The following MEF2D variants were observed in gnomAD, a reference collection of about 807,000 sequenced individuals.
MEF2D encodes the protein myocyte-specific enhancer factor 2D.
In MEF2D, 10 loss-of-function variants were observed where a neutral mutation model predicts 59.3. The observed-to-expected ratio is 0.17, with a 90% CI of 0.10 to 0.29. The LOEUF is 0.29. MEF2D is among the 10% of genes least tolerant of loss of function. The pLI, the probability that MEF2D is intolerant of heterozygous loss-of-function variation, is 1.00. For missense variants in MEF2D, 508 were observed against 699.4 expected (o/e 0.73, Z 3.09); for synonymous variants, 305 against 295.0 (o/e 1.03, Z -0.35).
intron 1 of MEF2D, among the ~76,000 whole-genome samples, chr1:156,493,656 C>T (rs370017344): frequency 6.6e-6 from 1 of 152,208 alleles, no homozygotes; most frequent in Non-Finnish European, 1.5e-5. Flanking sequence ...CCTGGCTTCT[C>T]ACCCTTTCAT....
intron 6 of MEF2D, 85 bp downstream of exon 6, chr1:156,479,205 T>C: frequency 8.7e-7 from 1 of 1,143,810 alleles, no homozygotes; most frequent in Non-Finnish European, 1.2e-6. Flanking sequence ...TCCTCTCATC[T>C]AGGTCGTTCC....
In MEF2D at chr1:156,468,158, G is replaced by A. The variant is rs1417926293; in HGVS notation, c.1389C>T (p.Arg463=). 1 of 1,613,808 alleles carries A rather than the reference G, an allele frequency of 6.2e-7. No individual in the cohort carries two copies. The highest frequency in any genetic ancestry group is 8.5e-7 in the Non-Finnish European group (1 of 1,179,860). The part of the protein sequence containing the change: ...PPPPAVFPAA[R]PEPGDGLSSP... ...TGCTGAGACCATCGCCAGGCTCAGGGCGGGCAGCTGGGAACACAGCTGGAG... is the reference window on the plus strand; with the variant it reads ...TGCTGAGACCATCGCCAGGCTCAGGACGGGCAGCTGGGAACACAGCTGGAG... The change falls in exon 11 of 12, where the codon CGC becomes CGT. Residue 463 remains arginine (R), a synonymous_variant. Transcript: ENST00000348159. The surrounding 1 kb of genome is among the most constrained non-coding windows in gnomAD (Gnocchi z 4.3).
In MEF2D at chr1:156,475,216, C is replaced by T; in HGVS notation, c.898G>A (p.Val300Ile). ...GTGAGCGAATGAGTAGACTGGGAGA[C>T]CCCAAGGCGCTGGGCATTGTTCTGT... is the stretch of plus-strand genomic sequence containing the variant. Reference protein sequence around the residue: ...LDLNNAQRLGVSQSTHSLTTP... With the variant: ...LDLNNAQRLGISQSTHSLTTP... The change falls in exon 9 of 12, where the codon GTC (valine) becomes ATC (isoleucine). Residue 300 changes from valine to isoleucine, a missense_variant. Transcript: ENST00000348159. 6.2e-7 allele frequency: 1 copy of T among 1,612,682 alleles called. No homozygotes were observed. Among genetic ancestry groups the T allele is most frequent in the Non-Finnish European group, 8.5e-7 (1 of 1,179,288 alleles).
At chr1:156,500,281 G>C (rs1384673826) in intron 1 of MEF2D, among the ~76,000 whole-genome samples, 1 of 152,110 alleles carries the variant, frequency 6.6e-6, no homozygotes. Context: ...CCCCACGACA[G>C]ACTCCCTGAC....
At chr1:156,499,908 A>C (rs1673380158) in intron 1 of MEF2D, among the ~76,000 whole-genome samples, 1 of 150,032 alleles carries the variant, frequency 6.7e-6, no homozygotes, top group Non-Finnish European at 1.5e-5. Context: ...ACACTCACAC[A>C]CCCCAACCCA....
chr1:156,488,008 C>T (rs1386428049), intron 1 of MEF2D, among the ~76,000 whole-genome samples: 1 of 152,240 alleles, frequency 6.6e-6, no homozygotes, highest in Non-Finnish European at 1.5e-5. Context: ...GGCCCCAGGG[C>T]CTGCCCAATC....
In MEF2D at chr1:156,480,956, C is replaced by G; in HGVS notation, c.274G>C (p.Gly92Arg). 1 of 1,611,968 alleles carries G rather than the reference C, an allele frequency of 6.2e-7. No individual in the cohort carries two copies. Among genetic ancestry groups the G allele is most frequent in the East Asian group, 2.2e-5 (1 of 44,824 alleles). Residue 92 changes from glycine (G) to arginine (R), a missense_variant, in exon 4 of 12, where the codon GGC (glycine) becomes CGC (arginine). Transcript: ENST00000348159. The part of the protein sequence containing the change: ...ADIIETLRKK[G>R]FNGCDSPEPD... ...TCGGGGCTGTCGCAGCCGTTGAAGC[C>G]CTTCTTCCTCAGGGTCTGTAACCGC...
intron 1 of MEF2D, among the ~76,000 whole-genome samples, chr1:156,485,143 T>C (rs1672269996): frequency 6.6e-6 from 1 of 152,086 alleles, no homozygotes; most frequent in African/African-American, 2.4e-5. Flanking sequence ...CCCCAGCCAC[T>C]GTCTGATCCT....
At position 156,466,310 on chromosome 1, in the gene MEF2D, C is replaced by CA. The variant is rs1670841745; in HGVS notation, c.*1334dup. On this transcript the variant is annotated 3_prime_UTR_variant, in exon 12 of 12. Coordinates refer to ENST00000348159, the MANE Select transcript of MEF2D (RefSeq NM_005920.4). ...TCAATACAACAACAACAAAAAAAAA[C>CA]AGTTTCCTGGACTGTTACACCGCTA... 6.6e-6 allele frequency: 1 copy of CA among 151,210 alleles called. No individual in the cohort carries two copies. 9.4% of individuals were successfully genotyped at this position (151,210 alleles called of 1,614,324 possible).
intron 9 of MEF2D, among the ~76,000 whole-genome samples, chr1:156,474,317 C>T (rs1457284125): frequency 6.6e-6 from 1 of 152,088 alleles, no homozygotes; most frequent in African/African-American, 2.4e-5. Flanking sequence ...GGCATGGTGG[C>T]GCATGCCTGT....
At chr1:156,497,083 G>A (rs1431690071) in intron 1 of MEF2D, among the ~76,000 whole-genome samples, 1 of 152,206 alleles carries the variant, frequency 6.6e-6, no homozygotes. Context: ...TCCCCACTGG[G>A]AAGTTCTTCC....
Position 156,467,427 on chromosome 1 carries a change from T to A in MEF2D, c.*218A>T, listed in dbSNP as rs966352532. Reference sequence around the variant, plus strand: ...TGGTGGGGGGTACAGAAAGAGGGGATGAGAGCATCCCCCTCTCCAAAGCGA... The same window carrying A: ...TGGTGGGGGGTACAGAAAGAGGGGAAGAGAGCATCCCCCTCTCCAAAGCGA... On this transcript the variant is annotated 3_prime_UTR_variant, in exon 12 of 12. Coordinates refer to ENST00000348159, the MANE Select transcript of MEF2D (RefSeq NM_005920.4). 2 of 212,284 alleles carry A rather than the reference T, an allele frequency of 9.4e-6. No homozygotes were observed. The highest frequency in any genetic ancestry group is 1.8e-5 in the Non-Finnish European group (2 of 108,334). 13.2% of individuals were successfully genotyped at this position (212,284 alleles called of 1,614,324 possible).
intron 4 of MEF2D, chr1:156,480,526 T>C: frequency 9.7e-7 from 1 of 1,032,948 alleles, no homozygotes; most frequent in East Asian, 2.7e-5. Context: ...GGTTCCTCAG[T>C]GGTCACTAAG....
At chr1:156,485,587 G>C (rs1307671939) in intron 1 of MEF2D, among the ~76,000 whole-genome samples, 1 of 149,400 alleles carries the variant, frequency 6.7e-6, no homozygotes, top group African/African-American at 2.5e-5. Context: ...CTGTTGTCCA[G>C]GCTGGAGTGT....
rs934978129 is a variant in MEF2D, at chr1:156,480,895, A to G, written c.335T>C (p.Leu112Pro). Residue 112 changes from leucine to proline, a missense_variant, in exon 4 of 12, where the codon CTG becomes CCG. This residue lies in a region of MEF2D where 481 missense variants were observed against 584.7 expected (regional missense o/e 0.82). Transcript: ENST00000348159. ...DGEDSLEQSP[L>P]LEDKYRRASE... ...GGCGCGTCGGTACTTGTCCTCCAGC[A>G]GGGGGCTCTGTTCCAGCGAGTCCTC... The G allele has an allele frequency of 6.2e-7, 1 of 1,610,548 alleles. No homozygotes were observed. The highest frequency in any genetic ancestry group is 1.3e-5 in the African/African-American group (1 of 74,862).
chr1:156,476,450 C>T (rs2274316), intron 8 of MEF2D, 44 bp downstream of exon 8: 1 of 1,603,512 alleles, frequency 6.2e-7, no homozygotes, highest in East Asian at 2.2e-5. Flanking sequence ...CAGAGCAATA[C>T]CCAGAATTCA....
Position 156,468,068 on chromosome 1 carries a change from T to A in MEF2D, c.1479A>T (p.Thr493=). 1.2e-6 allele frequency: 2 copies of A among 1,614,024 alleles called. No individual in the cohort carries two copies. The highest frequency in any genetic ancestry group is 1.3e-5 in the African/African-American group (1 of 75,012). The change falls in exon 11 of 12, where the codon ACA becomes ACT. Residue 493 remains threonine, a synonymous_variant. Transcript: ENST00000348159. This position sits in a 1 kb window ranked among gnomAD's most constrained non-coding sequence, Gnocchi z 4.3. ...RDDGRGDFGP[T]LGLLRPAPEP... is the part of the protein sequence containing the mutation. ...CTGGGGCTGGGCGCAGCAGGCCCAG[T>A]GTGGGCCCGAAGTCCCCCCGTCCGT...
intron 1 of MEF2D, among the ~76,000 whole-genome samples, chr1:156,491,219 T>C (rs1333562316): frequency 6.6e-6 from 1 of 152,234 alleles, no homozygotes; most frequent in Non-Finnish European, 1.5e-5. Context: ...TGGTCTAAGA[T>C]GTGATCCTGA....
At chr1:156,483,643 C>T (rs1026858218) in intron 1 of MEF2D, among the ~76,000 whole-genome samples, 11 of 152,230 alleles carry the variant, frequency 7.2e-5, no homozygotes, top group Admixed American at 5.9e-4. Context: ...TCTTTCCCCT[C>T]GGTCACTGCT....
Sources: allele counts gnomAD v4.1 joint callset (sites outside exome capture counted in the v4.1 genomes callset), GRCh38; gene constraint gnomAD v4.1.1; regional missense constraint gnomAD v4.1.1; non-coding constraint Gnocchi (gnomAD v3.1); transcripts MANE v1.5; gene names NCBI Gene and HGNC (gene_info 2026-07-23, HGNC 2026-07-21).